INSL6: variants seen among roughly 807,000 people sequenced by gnomAD.
The protein encoded by INSL6 is insulin-like peptide INSL6.
A neutral mutation model predicts 9.4 loss-of-function variants in INSL6; 16 were observed. The observed-to-expected ratio is 1.70, with a 90% CI of 1.15 to 2.59. INSL6 has a LOEUF of 2.59. INSL6 is among the 30% of genes most tolerant of loss of function. INSL6 has a pLI of 0.00. For missense variants in INSL6, 391 were observed against 257.3 expected (o/e 1.52, Z -3.56); for synonymous variants, 154 against 96.9 (o/e 1.59, Z -3.46).
intron 1 of INSL6, among the ~76,000 whole-genome samples, chr9:5,168,387 C>G (rs1004880488): frequency 2.6e-5 from 4 of 152,032 alleles, no homozygotes; most frequent in Admixed American, 6.6e-5. Flanking sequence ...GACAAGTAAC[C>G]TGATGGAGCT....
At chr9:5,044,626 C>T in the INSL6 span, 3 of 637,986 alleles carry the variant, frequency 4.7e-6, no homozygotes. Flanking sequence ...AATTGCAGTT[C>T]TGTCTTGCAC....
chr9:5,083,516 T>C, the INSL6 span, among the ~76,000 whole-genome samples: 2 of 152,244 alleles, frequency 1.3e-5, no homozygotes, highest in Non-Finnish European at 2.9e-5. Flanking sequence ...ATAGCATTTA[T>C]TGTTTCTTTT....
chr9:5,185,190 T>A, intron 1 of INSL6, 124 bp downstream of exon 1: 1 of 1,232,158 alleles, frequency 8.1e-7, no homozygotes. Context: ...TTTTACAATT[T>A]TTTAAAGAGC....
chr9:5,074,466 T>G, the INSL6 span, among the ~76,000 whole-genome samples: 1 of 151,942 alleles, frequency 6.6e-6, no homozygotes, highest in Non-Finnish European at 1.5e-5. Context: ...TTTCAAACTT[T>G]AAAAAAATCA....
chr9:5,113,904 TGG>T, the INSL6 span: 1 of 226,176 alleles, frequency 4.4e-6, no homozygotes. Flanking sequence ...CCTCCTGTGA[TGG>T]CAGTGGACAC....
chr9:5,070,579 T>A, the INSL6 span, among the ~76,000 whole-genome samples: 7 of 152,210 alleles, frequency 4.6e-5, no homozygotes, highest in East Asian at 5.8e-4. Context: ...AATTATTTTT[T>A]AAAATTATTT....
the INSL6 span, chr9:5,098,092 G>A: frequency 6.6e-6 from 1 of 152,034 alleles, no homozygotes; most frequent in Non-Finnish European, 1.5e-5. Flanking sequence ...CCTTTGTTTC[G>A]AAAAGAAAAA....
chr9:5,041,488 T>C, the INSL6 span: 1 of 591,604 alleles, frequency 1.7e-6, no homozygotes, highest in East Asian at 4.0e-5. Flanking sequence ...TCATGAGCGG[T>C]ACAGAAGATC....
intron 2 of INSL6, among the ~76,000 whole-genome samples, chr9:5,147,786 A>G (rs1824630189): frequency 6.6e-6 from 1 of 151,968 alleles, no homozygotes. Flanking sequence ...GATTTGAAAA[A>G]CTGGTCTCTG....
intron 1 of INSL6, among the ~76,000 whole-genome samples, chr9:5,184,840 T>G (rs1305121619): frequency 6.6e-6 from 1 of 152,226 alleles, no homozygotes; most frequent in Non-Finnish European, 1.5e-5. Context: ...TTCATGGCCC[T>G]TTCCTGCTTT....
the INSL6 span, among the ~76,000 whole-genome samples, chr9:5,042,595 G>A: frequency 1.3e-5 from 2 of 148,312 alleles, no homozygotes; most frequent in African/African-American, 2.6e-5. Flanking sequence ...GGCCCCCAGG[G>A]CTGAGGCCCA....
the INSL6 span, among the ~76,000 whole-genome samples, chr9:5,074,100 G>A: frequency 6.6e-6 from 1 of 152,072 alleles, no homozygotes; most frequent in Non-Finnish European, 1.5e-5. Context: ...GGAATAACTG[G>A]CCTTTTCAGT....
At chr9:5,101,524 A>G in the INSL6 span, among the ~76,000 whole-genome samples, 1 of 152,242 alleles carries the variant, frequency 6.6e-6, no homozygotes, top group East Asian at 1.9e-4. Flanking sequence ...TGAAGAGAGC[A>G]GTGTTTCTAC....
the INSL6 span, among the ~76,000 whole-genome samples, chr9:5,020,792 C>T: frequency 6.6e-6 from 1 of 151,994 alleles, no homozygotes; most frequent in Admixed American, 6.6e-5. Flanking sequence ...AGGCGGCAGC[C>T]AGCAATGGAG....
At chr9:5,007,659 A>C in the INSL6 span, among the ~76,000 whole-genome samples, 2 of 151,980 alleles carry the variant, frequency 1.3e-5, no homozygotes, top group South Asian at 4.1e-4. Context: ...TCATACTTTA[A>C]TGGCAAAAAC....
the INSL6 span, among the ~76,000 whole-genome samples, chr9:4,993,377 G>C: frequency 1.3e-5 from 2 of 152,130 alleles, no homozygotes; most frequent in Non-Finnish European, 2.9e-5. Context: ...AGATTGTTCT[G>C]AGTCCATTAC....
intron 2 of INSL6, among the ~76,000 whole-genome samples, chr9:5,147,395 G>A (rs1474277614): frequency 2.6e-5 from 4 of 152,198 alleles, no homozygotes; most frequent in African/African-American, 4.8e-5. Context: ...TCCAAGGGTA[G>A]CAAGGAAGGT....
At chr9:5,128,080 TTGTGTGTGTG>T (rs139964957) in intron 3 of INSL6, 799 of 224,382 alleles carry the variant, frequency 3.6e-3, no homozygotes, top group African/African-American at 0.012. Flanking sequence ...ATGGTGGGTT[TTGTGTGTGTG>T]TGTGTGTGTG....
intron 2 of INSL6, among the ~76,000 whole-genome samples, chr9:5,158,240 C>T (rs1209323496): frequency 6.6e-6 from 1 of 152,106 alleles, no homozygotes; most frequent in African/African-American, 2.4e-5. Flanking sequence ...AAGTTCTTCG[C>T]CTTGAAAGGG....
Sources: gnomAD v4.1 joint callset for allele counts (sites outside exome capture counted in the v4.1 genomes callset) on GRCh38, gnomAD v4.1.1 for gene constraint, MANE v1.5 for transcripts, NCBI Gene and HGNC (gene_info 2026-07-23, HGNC 2026-07-21) for gene names.